Variants in LRRD1 observed in about 807,000 individuals in gnomAD.
LRRD1 encodes leucine rich repeats and death domain containing 1, also known as leucine-rich repeat and death domain-containing protein 1.
Under a neutral mutation model 69.5 loss-of-function variants are expected in LRRD1, and 49 were observed. That is an observed-to-expected ratio of 0.70 (90% CI 0.56 to 0.89). The LOEUF (loss-of-function observed/expected upper bound fraction) is 0.89, where lower values mean the gene tolerates loss of function less well. LRRD1 is among the 40% of genes least tolerant of loss of function. The pLI is 0.00. For missense variants in LRRD1, 853 were observed against 956.0 expected (o/e 0.89, Z 1.42); for synonymous variants, 303 against 338.9 (o/e 0.89, Z 1.16).
chr7:92,142,811 C>T (rs1312382304), downstream of LRRD1: 8 of 437,568 alleles, frequency 1.8e-5, no homozygotes, highest in South Asian at 6.5e-5. Context: ...TTGCTGGCTT[C>T]AAGAGTGAAG....
In LRRD1 at chr7:92,165,153, T is replaced by C; in HGVS notation, c.50A>G (p.Gln17Arg). The change falls in exon 2 of 6, where the codon CAA becomes CGA. Residue 17 changes from glutamine (Q) to arginine (R), a missense_variant. Physicochemically the swap from Gln to Arg is conservative, Grantham distance 43 (BLOSUM62 1). This residue lies in a region of LRRD1 where 99 missense variants were observed against 107.0 expected (regional missense o/e 0.92). Transcript: ENST00000458448. ...CTGTGATCTAGATTCTTTCCTAAAT[T>C]GACTAATAGTATCCTCTAGCACTTC... is the stretch of plus-strand genomic sequence containing the variant. ...MSEVLEDTIS[Q>R]FRKESRSQSM... 1 of 1,548,984 alleles carries C rather than the reference T, an allele frequency of 6.5e-7. No homozygotes were observed. The highest frequency in any genetic ancestry group is 2.4e-5 in the East Asian group (1 of 40,834).
At chr7:92,177,110 CATAAT>C (rs1029819853) in intron 1 of LRRD1, among the ~76,000 whole-genome samples, 3 of 150,024 alleles carry the variant, frequency 2.0e-5, no homozygotes, top group Non-Finnish European at 4.4e-5. Context: ...TACATAGTAA[CATAAT>C]ATGACATTAC....
chr7:92,145,550 CT>C (rs889687779), intron 5 of LRRD1, among the ~76,000 whole-genome samples: 7 of 151,806 alleles, frequency 4.6e-5, no homozygotes, highest in Middle Eastern at 3.4e-3. Flanking sequence ...CGCCATTCTC[CT>C]GCCTCAGCCT....
intron 4 of LRRD1, 104 bp from the exon 5 acceptor site, chr7:92,146,304 AT>A (rs2130978897): frequency 1.6e-6 from 1 of 620,258 alleles, no homozygotes; most frequent in African/African-American, 1.9e-5. Flanking sequence ...TATGAAATAT[AT>A]ATGTTAAGTA....
At chr7:92,151,890 A>G (rs1222693371) in intron 3 of LRRD1, among the ~76,000 whole-genome samples, 3 of 151,556 alleles carry the variant, frequency 2.0e-5, no homozygotes, top group African/African-American at 7.3e-5. Context: ...CAGAGGTTGC[A>G]GGGAGCCGAG....
downstream of LRRD1, chr7:92,142,382 G>A: frequency 2.2e-6 from 1 of 447,212 alleles, no homozygotes; most frequent in Non-Finnish European, 4.5e-6. Context: ...ACAAGGTTCT[G>A]TCTCTCTCTT....
intron 4 of LRRD1, among the ~76,000 whole-genome samples, chr7:92,149,021 AC>A (rs550969663): frequency 6.7e-6 from 1 of 149,052 alleles, no homozygotes; most frequent in African/African-American, 2.5e-5. Context: ...TGCCGGGATT[AC>A]AGGTGTGAGC....
chr7:92,174,783 TG>T (rs1197571511), intron 1 of LRRD1, among the ~76,000 whole-genome samples: 1 of 151,812 alleles, frequency 6.6e-6, no homozygotes, highest in Non-Finnish European at 1.5e-5. Context: ...ATGTCCAGGC[TG>T]GGCGTGGTGG....
At chr7:92,166,411 G>C (rs981029113) in intron 1 of LRRD1, among the ~76,000 whole-genome samples, 1 of 152,210 alleles carries the variant, frequency 6.6e-6, no homozygotes, top group African/African-American at 2.4e-5. Flanking sequence ...AGTAGAAAAA[G>C]AGGGAACATT....
intron 5 of LRRD1, among the ~76,000 whole-genome samples, chr7:92,145,632 G>A (rs946266058): frequency 1.2e-4 from 18 of 151,672 alleles, no homozygotes; most frequent in African/African-American, 4.1e-4. Context: ...GTAGAGGCGG[G>A]GTTTCACCGT....
intron 1 of LRRD1, among the ~76,000 whole-genome samples, chr7:92,173,892 C>G (rs1377766497): frequency 1.3e-5 from 2 of 152,070 alleles, no homozygotes; most frequent in South Asian, 4.1e-4. Flanking sequence ...TTTATTGCAG[C>G]ACTGTTCACA....
chr7:92,175,412 C>T (rs1789170843), intron 1 of LRRD1, among the ~76,000 whole-genome samples: 1 of 152,088 alleles, frequency 6.6e-6, no homozygotes, highest in South Asian at 2.1e-4. Context: ...CTTAGGGAGG[C>T]CAGGGCAGTT....
At chr7:92,146,510 G>T (rs1312381756) in intron 4 of LRRD1, among the ~76,000 whole-genome samples, 1 of 151,986 alleles carries the variant, frequency 6.6e-6, no homozygotes, top group Non-Finnish European at 1.5e-5. Context: ...CCAGCTACTC[G>T]GGAGGCTGAG....
At chr7:92,145,129 A>G in intron 5 of LRRD1, 55 bp from the exon 6 acceptor site, 2 of 891,020 alleles carry the variant, frequency 2.2e-6, no homozygotes, top group Non-Finnish European at 3.0e-6. Flanking sequence ...CGTTTAATAT[A>G]TTTAAATTAC....
At chr7:92,178,928 C>T (rs1355454473) in intron 1 of LRRD1, 79 bp downstream of exon 1, 2 of 152,200 alleles carry the variant, frequency 1.3e-5, no homozygotes, top group Non-Finnish European at 2.9e-5. Context: ...GCATGCAAAG[C>T]CATGAGAAGT....
intron 4 of LRRD1, among the ~76,000 whole-genome samples, chr7:92,148,311 A>T (rs140579307): frequency 0.011 from 1,599 of 152,248 alleles, 25 homozygotes; most frequent in African/African-American, 0.037. Flanking sequence ...GGCTCAAGCA[A>T]TCCTCCTGCC....
chr7:92,148,790 C>T (rs768714164), intron 4 of LRRD1, among the ~76,000 whole-genome samples: 1 of 152,186 alleles, frequency 6.6e-6, no homozygotes, highest in East Asian at 1.9e-4. Context: ...CACTGTCACC[C>T]GGGCTGGAGT....
chr7:92,159,094 A>T lies in LRRD1; in HGVS notation c.2027T>A (p.Leu676Ter), dbSNP rs1389521464. Residue 676 changes from leucine to a stop codon, truncating the protein, a stop_gained, in exon 3 of 6, where the codon TTG becomes TAG. Coordinates refer to ENST00000458448, the MANE Select transcript of LRRD1 (RefSeq NM_001161528.2). LOFTEE classifies it high-confidence loss of function. ...IPRNIGELRNLVSLHAYNNQI... is the reference protein window; with the variant it reads ...IPRNIGELRN The stretch of plus-strand genomic sequence containing the variant: ...ATTATTGTATGCATGTAAACTAACC[A>T]AATTTCTCAATTCTCCTATATTTCT... 1.9e-6 allele frequency: 3 copies of T among 1,547,556 alleles called. No individual in the cohort carries two copies. The highest frequency in any genetic ancestry group is 4.0e-5 in the Admixed American group (2 of 50,090).
At chr7:92,142,344 T>C, downstream of LRRD1, 2 of 413,970 alleles carry the variant, frequency 4.8e-6, no homozygotes, top group South Asian at 3.6e-5. Flanking sequence ...AGTGCAGAAG[T>C]ATGGGGATTG....
Sources: allele counts gnomAD v4.1 joint callset (sites outside exome capture counted in the v4.1 genomes callset), GRCh38; gene constraint gnomAD v4.1.1; regional missense constraint gnomAD v4.1.1; transcripts MANE v1.5; gene names NCBI Gene and HGNC (gene_info 2026-07-23, HGNC 2026-07-21).